The following DMD variants were observed in gnomAD, a reference collection of about 807,000 sequenced individuals.
DMD encodes mutant dystrophin.
DMD carries 63 observed loss-of-function variants against 330.1 expected under a neutral mutation model. The ratio of observed to expected loss-of-function variants is 0.19; its 90% CI spans 0.16 to 0.24. The LOEUF is 0.24. Among genes scored for constraint, DMD ranks in the 10% least tolerant of loss-of-function variants. DMD has a pLI of 1.00. For synonymous variants in DMD, 1,223 were observed against 959.8 expected (o/e 1.27, Z -5.07); for missense variants, 3,344 against 2,684.1 (o/e 1.25, Z -5.43).
intron 44 of DMD, among the ~76,000 whole-genome samples, chrX:32,027,114 C>A (rs2147204568): frequency 9.5e-6 from 1 of 105,139 alleles, no homozygotes; most frequent in South Asian, 4.3e-4. Context: ...ACAACATATG[C>A]TTGAAAGAAA....
chrX:32,357,678 C>CACACAT (rs2097809215), intron 37 of DMD, among the ~76,000 whole-genome samples: 1 of 109,024 alleles, frequency 9.2e-6, no homozygotes, highest in African/African-American at 3.4e-5. Context: ...CACACACACA[C>CACACAT]ACACACACAC....
At chrX:31,423,616 A>G (rs1203668145) in intron 60 of DMD, among the ~76,000 whole-genome samples, 1 of 112,064 alleles carries the variant, frequency 8.9e-6, no homozygotes, top group African/African-American at 3.2e-5. Context: ...GTTAATTGAA[A>G]CTGGAAACAC....
chrX:31,929,573 G>A lies in DMD; in HGVS notation c.6912+23C>T, dbSNP rs375794986. 1.5e-5 allele frequency: 18 copies of A among 1,205,755 alleles called. No homozygotes were observed. In the African/African-American group the frequency reaches 1.8e-4, roughly 12 times the overall value. The stretch of plus-strand genomic sequence containing the variant: ...ACTTGCAACATTTAACACATGTGAC[G>A]GAAGAGATGGTTAATGTCTAACCTT... On this transcript the variant is annotated intron_variant, in intron 47 of 78. Coordinates refer to ENST00000357033, the MANE Select transcript of DMD (RefSeq NM_004006.3).
chrX:32,456,909 G>T (rs1447868238), intron 25 of DMD, among the ~76,000 whole-genome samples: 2 of 103,928 alleles, frequency 1.9e-5, no homozygotes, highest in Non-Finnish European at 3.9e-5. Context: ...GGTGTTGAGT[G>T]GGCAAATGGG....
intron 73 of DMD, among the ~76,000 whole-genome samples, chrX:31,171,694 T>C (rs1290250635): frequency 9.0e-6 from 1 of 111,514 alleles, no homozygotes; most frequent in African/African-American, 3.3e-5. Context: ...ATGAAGCCTG[T>C]TTCCCTGCCA....
At chrX:31,371,912 C>A (rs991150699) in intron 60 of DMD, among the ~76,000 whole-genome samples, 3 of 112,167 alleles carry the variant, frequency 2.7e-5, no homozygotes, top group South Asian at 3.8e-4. Flanking sequence ...AGCCACTGGG[C>A]AAAGCACTTA....
At chrX:32,726,386 C>G (rs1322342122) in intron 7 of DMD, among the ~76,000 whole-genome samples, 1 of 111,256 alleles carries the variant, frequency 9.0e-6, no homozygotes, top group Non-Finnish European at 1.9e-5. Context: ...GGCAAATGGC[C>G]TTGTGTCAGT....
chrX:32,435,297 T>TATATATATATA (rs1557355914), intron 29 of DMD, among the ~76,000 whole-genome samples: 3 of 99,288 alleles, frequency 3.0e-5, no homozygotes, highest in East Asian at 3.3e-4. Context: ...TATATATATA[T>TATATATATATA]TTACACCCAT....
At chrX:32,155,570 G>GAGTGAA in intron 44 of DMD, 1 of 299,103 alleles carries the variant, frequency 3.3e-6, no homozygotes, top group Non-Finnish European at 4.5e-6. Context: ...CTGGATCATG[G>GAGTGAA]ATTGGACTCA....
chrX:32,834,009 G>T (rs1315670112), intron 4 of DMD, among the ~76,000 whole-genome samples: 2 of 111,341 alleles, frequency 1.8e-5, no homozygotes, highest in South Asian at 3.7e-4. Flanking sequence ...GCAACTGAAT[G>T]TGAGTTTAAT....
At chrX:32,326,663 G>T (rs1007774088) in intron 41 of DMD, among the ~76,000 whole-genome samples, 1 of 111,810 alleles carries the variant, frequency 8.9e-6, no homozygotes, top group African/African-American at 3.3e-5. Flanking sequence ...CCAGCACTTT[G>T]GGAGGCCGAG....
At chrX:31,156,404 A>G (rs1045656291) in intron 74 of DMD, among the ~76,000 whole-genome samples, 1 of 111,432 alleles carries the variant, frequency 9.0e-6, no homozygotes, top group African/African-American at 3.2e-5. Flanking sequence ...GCTTTGCCCC[A>G]TCAGGGGAAA....
intron 9 of DMD, among the ~76,000 whole-genome samples, chrX:32,677,075 A>G (rs189530506): frequency 0.049 from 5,495 of 111,389 alleles, 308 homozygotes; most frequent in African/African-American, 0.17. Context: ...ATGTAATTTC[A>G]CTGACAAATG....
intron 26 of DMD, among the ~76,000 whole-genome samples, chrX:32,451,282 A>G (rs1254196758): frequency 9.0e-6 from 1 of 111,282 alleles, no homozygotes; most frequent in Non-Finnish European, 1.9e-5. Flanking sequence ...TCTGATGTCC[A>G]TTCAGATGCA....
At chrX:32,116,609 T>A (rs2096611954) in intron 44 of DMD, among the ~76,000 whole-genome samples, 1 of 111,944 alleles carries the variant, frequency 8.9e-6, no homozygotes, top group African/African-American at 3.2e-5. Context: ...GGGAAGGGGC[T>A]TTTTCTGTAC....
intron 18 of DMD, among the ~76,000 whole-genome samples, chrX:32,511,271 C>T: frequency 9.1e-6 from 1 of 110,372 alleles, no homozygotes. Context: ...CGCCTGTAAT[C>T]CCAGCACTTT....
chrX:32,743,724 G>A lies in DMD; in HGVS notation c.650-44431C>T, dbSNP rs775760615. On this transcript the variant is annotated intron_variant, in intron 7 of 78. Coordinates refer to ENST00000357033, the MANE Select transcript of DMD (RefSeq NM_004006.3). Reference sequence around the variant, plus strand: ...TTGCTCTCAGTAGAACATTAAAAATGGCTTCCTCTGTAAAGCATTCTGTGG... The same window carrying A: ...TTGCTCTCAGTAGAACATTAAAAATAGCTTCCTCTGTAAAGCATTCTGTGG... Among the ~76,000 whole-genome samples the A allele has an allele frequency of 6.3e-5, 7 of 111,051 alleles. No individual in the cohort carries two copies. The South Asian group carries it at 2.7e-3, about 43-fold the overall frequency.
At chrX:32,930,522 G>A (rs1391651729) in intron 2 of DMD, among the ~76,000 whole-genome samples, 1 of 110,565 alleles carries the variant, frequency 9.0e-6, no homozygotes, top group African/African-American at 3.3e-5. Context: ...TAATCAAGAC[G>A]CTTTTAAATG....
At chrX:32,109,485 C>T (rs1318151156) in intron 44 of DMD, among the ~76,000 whole-genome samples, 1 of 110,195 alleles carries the variant, frequency 9.1e-6, no homozygotes, top group African/African-American at 3.3e-5. Flanking sequence ...GAAATTAGAG[C>T]CAGGTAATAT....
Sources: allele counts gnomAD v4.1 joint callset (sites outside exome capture counted in the v4.1 genomes callset), GRCh38; gene constraint gnomAD v4.1.1; transcripts MANE v1.5; gene names NCBI Gene and HGNC (gene_info 2026-07-23, HGNC 2026-07-21).